Variants in SUPT3H observed in about 807,000 individuals in gnomAD.
SUPT3H encodes the protein transcription initiation protein SPT3 homolog.
Under a neutral mutation model 44.3 loss-of-function variants are expected in SUPT3H, and 44 were observed. That is an observed-to-expected ratio of 0.99 (90% CI 0.78 to 1.28). SUPT3H has a LOEUF of 1.28. Among genes scored for constraint, SUPT3H ranks in the 50% most tolerant of loss-of-function variants. The pLI is 0.00. For missense variants in SUPT3H, 380 were observed against 387.1 expected (o/e 0.98, Z 0.15); for synonymous variants, 124 against 125.6 (o/e 0.99, Z 0.09).
At chr6:44,903,162 G>GATATAGAC (rs1765387404) in intron 10 of SUPT3H, among the ~76,000 whole-genome samples, 1 of 151,972 alleles carries the variant, frequency 6.6e-6, no homozygotes, top group Non-Finnish European at 1.5e-5. Context: ...CTAGCAAAAG[G>GATATAGAC]CAAGAAATAA....
At chr6:44,812,102 C>T (rs1017223949) in intron 11 of SUPT3H, among the ~76,000 whole-genome samples, 1 of 152,174 alleles carries the variant, frequency 6.6e-6, no homozygotes, top group African/African-American at 2.4e-5. Flanking sequence ...TTCTATGATG[C>T]CGTAACAAAT....
At chr6:45,333,745 G>C (rs989326218) in intron 2 of SUPT3H, among the ~76,000 whole-genome samples, 9 of 151,208 alleles carry the variant, frequency 6.0e-5, no homozygotes, top group African/African-American at 2.2e-4. Flanking sequence ...TGCTACATAA[G>C]TACTTAATAC....
chr6:45,365,094 A>G, intron 2 of SUPT3H, 107 bp downstream of exon 2: 1 of 727,766 alleles, frequency 1.4e-6, no homozygotes. Context: ...CTTGATTAAT[A>G]ACAAATTATT....
At chr6:45,203,319 T>C (rs950342197) in intron 2 of SUPT3H, among the ~76,000 whole-genome samples, 5 of 152,136 alleles carry the variant, frequency 3.3e-5, no homozygotes, top group African/African-American at 1.2e-4. Flanking sequence ...CTGTCATCAA[T>C]GATACTTTCC....
intron 6 of SUPT3H, among the ~76,000 whole-genome samples, chr6:44,979,250 C>CAAAA (rs1194347167): frequency 2.0e-5 from 3 of 151,982 alleles, no homozygotes; most frequent in Admixed American, 2.0e-4. Flanking sequence ...TTTTGATTAA[C>CAAAA]AAAAAAGCCT....
intron 6 of SUPT3H, among the ~76,000 whole-genome samples, chr6:44,992,355 C>T (rs756758475): frequency 3.9e-5 from 6 of 152,108 alleles, no homozygotes; most frequent in Non-Finnish European, 7.4e-5. Context: ...AACAGCAGCC[C>T]GGTAAGGCCT....
chr6:45,037,980 G>A (rs1323037975), intron 3 of SUPT3H, among the ~76,000 whole-genome samples: 1 of 152,016 alleles, frequency 6.6e-6, no homozygotes, highest in Non-Finnish European at 1.5e-5. Context: ...TTAAAGGATA[G>A]GTTTAATCAT....
chr6:44,996,964 G>C (rs1055932480), intron 6 of SUPT3H, among the ~76,000 whole-genome samples: 2 of 151,462 alleles, frequency 1.3e-5, no homozygotes, highest in Non-Finnish European at 3.0e-5. Flanking sequence ...ATATTTAATT[G>C]TATCATTTAT....
At chr6:44,855,107 G>T (rs1561894377) in intron 10 of SUPT3H, among the ~76,000 whole-genome samples, 1 of 152,140 alleles carries the variant, frequency 6.6e-6, no homozygotes, top group Non-Finnish European at 1.5e-5. Flanking sequence ...CATGTTTTCT[G>T]ATCTCAAAGC....
chr6:44,941,054 T>A (rs1007755951), intron 9 of SUPT3H, among the ~76,000 whole-genome samples: 1 of 152,128 alleles, frequency 6.6e-6, no homozygotes, highest in Non-Finnish European at 1.5e-5. Context: ...ATTTAATCCA[T>A]TTATGTCATG....
At chr6:45,329,102 C>A (rs1303322460) in intron 2 of SUPT3H, among the ~76,000 whole-genome samples, 1 of 151,844 alleles carries the variant, frequency 6.6e-6, no homozygotes, top group Non-Finnish European at 1.5e-5. Context: ...TTAACCCTCA[C>A]CAGAAGAAAA....
At chr6:45,230,521 C>T (rs1396327500) in intron 2 of SUPT3H, among the ~76,000 whole-genome samples, 1 of 148,650 alleles carries the variant, frequency 6.7e-6, no homozygotes, top group African/African-American at 2.5e-5. Flanking sequence ...CTAAGTATAT[C>T]TACTTCTGCT....
At chr6:44,826,539 A>G (rs1223062891), downstream of SUPT3H, among the ~76,000 whole-genome samples, 1 of 152,210 alleles carries the variant, frequency 6.6e-6, no homozygotes, top group East Asian at 1.9e-4. Flanking sequence ...TTGATGGTAG[A>G]ATTTTAAATG....
chr6:45,323,840 C>T (rs1353109165), intron 2 of SUPT3H, among the ~76,000 whole-genome samples: 1 of 152,040 alleles, frequency 6.6e-6, no homozygotes, highest in Admixed American at 6.6e-5. Flanking sequence ...AGTGTTCCAA[C>T]GTATACTATA....
intron 10 of SUPT3H, among the ~76,000 whole-genome samples, chr6:44,841,368 T>C (rs1770906700): frequency 6.6e-6 from 1 of 152,198 alleles, no homozygotes; most frequent in Non-Finnish European, 1.5e-5. Context: ...CGTGCTATGC[T>C]GTGAATATGG....
At chr6:45,174,142 A>C (rs1467313527) in intron 2 of SUPT3H, among the ~76,000 whole-genome samples, 2 of 152,216 alleles carry the variant, frequency 1.3e-5, no homozygotes, top group African/African-American at 4.8e-5. Flanking sequence ...CCTGAAAAAG[A>C]CTTTTCAATG....
At chr6:45,214,400 C>G (rs1249666124) in intron 2 of SUPT3H, among the ~76,000 whole-genome samples, 1 of 150,710 alleles carries the variant, frequency 6.6e-6, no homozygotes, top group Non-Finnish European at 1.5e-5. Flanking sequence ...GAAAGGAAAT[C>G]AGCATTAAAG....
chr6:45,220,363 G>A (rs1000512706), intron 2 of SUPT3H, among the ~76,000 whole-genome samples: 1 of 151,770 alleles, frequency 6.6e-6, no homozygotes, highest in Non-Finnish European at 1.5e-5. Flanking sequence ...AAGAAAAATA[G>A]TATGAACATA....
chr6:44,964,191 A>C (rs1371834331), intron 6 of SUPT3H, among the ~76,000 whole-genome samples: 1 of 152,134 alleles, frequency 6.6e-6, no homozygotes. Context: ...ATAAGCAATA[A>C]ACATTTGTTG....
Sources: allele counts gnomAD v4.1 joint callset (sites outside exome capture counted in the v4.1 genomes callset), GRCh38; gene constraint gnomAD v4.1.1; transcripts MANE v1.5; gene names NCBI Gene and HGNC (gene_info 2026-07-23, HGNC 2026-07-21).